Variants in SLC6A4 observed in about 807,000 individuals in gnomAD.
SLC6A4 encodes the protein solute carrier family 6 member 4.
A neutral mutation model predicts 73.4 loss-of-function variants in SLC6A4; 22 were observed. The ratio of observed to expected loss-of-function variants is 0.30; its 90% CI spans 0.21 to 0.43. The LOEUF (loss-of-function observed/expected upper bound fraction) is 0.43. Among genes scored for constraint, SLC6A4 ranks in the 20% least tolerant of loss-of-function variants. The pLI is 1.00. For missense variants in SLC6A4, 593 were observed against 808.5 expected (o/e 0.73, Z 3.23); for synonymous variants, 270 against 315.5 (o/e 0.86, Z 1.53).
At chr17:30,216,844 TTTG>T (rs1350694977) in intron 6 of SLC6A4, among the ~76,000 whole-genome samples, 58 of 51,324 alleles carry the variant, frequency 1.1e-3, no homozygotes, top group African/African-American at 2.6e-3. Flanking sequence ...ATTGTTTTTT[TTTG>T]TTTGTTTGTT....
At position 30,217,195 on chromosome 17, in the gene SLC6A4, T is replaced by C. The variant is rs1445134432; in HGVS notation, c.808A>G (p.Ile270Val). The part of the protein sequence containing the change: ...MLIFTVIYFS[I>V]WKGVKTSGKV... ...CCAGAGGTCTTGACGCCTTTCCAGA[T>C]GCTGAAGTAGATAACAGTGAAGATC... Residue 270 changes from isoleucine to valine, a missense_variant, in exon 6 of 15, where the codon ATC becomes GTC. Coordinates refer to ENST00000650711, the MANE Select transcript of SLC6A4 (RefSeq NM_001045.6). 1 of 1,614,108 alleles carries C rather than the reference T, an allele frequency of 6.2e-7. No homozygotes were observed. Among genetic ancestry groups the C allele is most frequent in the Admixed American group, 1.7e-5 (1 of 60,012 alleles).
chr17:30,213,459 C>T (rs1382097110), intron 8 of SLC6A4, among the ~76,000 whole-genome samples: 1 of 151,968 alleles, frequency 6.6e-6, no homozygotes, highest in African/African-American at 2.4e-5. Flanking sequence ...CCCACGACCA[C>T]GCCTGGCTAA....
chr17:30,221,331 C>A (rs527281820), intron 3 of SLC6A4, among the ~76,000 whole-genome samples: 1 of 152,046 alleles, frequency 6.6e-6, no homozygotes, highest in Non-Finnish European at 1.5e-5. Context: ...CCTAGTCTTA[C>A]GCCAGTGAAG....
In SLC6A4 at chr17:30,222,064, G is replaced by A. The variant is rs1200337619; in HGVS notation, c.-106C>T. The A allele has an allele frequency of 2.5e-6, 4 of 1,575,554 alleles. No individual in the cohort carries two copies. Among genetic ancestry groups the A allele is most frequent in the Non-Finnish European group, 3.4e-6 (4 of 1,160,676 alleles). On this transcript the variant is annotated 5_prime_UTR_variant, in exon 3 of 15. Coordinates refer to ENST00000650711, the MANE Select transcript of SLC6A4 (RefSeq NM_001045.6). ...CTCCGAGCTCTCTATCGTCGGGATT[G>A]ACACGTCGGGATTGACTCTGTTGGA...
intron 13 of SLC6A4, chr17:30,205,893 G>A (rs537786328): frequency 1.3e-5 from 2 of 152,250 alleles, no homozygotes; most frequent in East Asian, 3.9e-4. Flanking sequence ...TCAAAACACA[G>A]AATACAAAAA....
intron 7 of SLC6A4, 144 bp from the exon 8 acceptor site, chr17:30,215,858 T>C: frequency 1.3e-6 from 1 of 781,234 alleles, no homozygotes; most frequent in Non-Finnish European, 2.1e-6. Context: ...GGCATAGCCA[T>C]AAACCAAGTG....
chr17:30,209,327 T>C (rs1007776489), intron 11 of SLC6A4, 85 bp from the exon 12 acceptor site: 2 of 840,464 alleles, frequency 2.4e-6, no homozygotes, highest in African/African-American at 3.4e-5. Context: ...CTTCCTCACT[T>C]AGAATCATTC....
At chr17:30,210,698 G>T in intron 10 of SLC6A4, 52 bp from the exon 11 acceptor site, 1 of 1,578,106 alleles carries the variant, frequency 6.3e-7, no homozygotes, top group African/African-American at 1.3e-5. Flanking sequence ...CAAGGCTGTG[G>T]CCTTCAGGAC....
rs1056471644 is a variant in SLC6A4 at position 30,211,242 on chromosome 17, G to A, written c.1317+70C>T. On this transcript the variant is annotated intron_variant, in intron 10 of 14. Transcript: ENST00000650711. This position sits in a 1 kb window ranked among gnomAD's most constrained non-coding sequence, Gnocchi z 4.0. ...GGATGGCCAGGGATGGGAGGGAATT[G>A]AGTCCAGCTGAGTCCTCCTCCTTTC... The A allele has an allele frequency of 9.8e-7, 1 of 1,019,250 alleles. No homozygotes were observed. The highest frequency in any genetic ancestry group is 1.5e-6 in the Non-Finnish European group (1 of 659,396). 63.1% of individuals were successfully genotyped at this position (1,019,250 alleles called of 1,614,324 possible).
chr17:30,213,032 C>T (rs1056537409), intron 8 of SLC6A4, among the ~76,000 whole-genome samples, 165 bp from the exon 9 acceptor site: 1 of 152,210 alleles, frequency 6.6e-6, no homozygotes, highest in Non-Finnish European at 1.5e-5. Flanking sequence ...TTCGCCTTCT[C>T]CCAGAACCCA....
In SLC6A4 at chr17:30,196,178, TCAATTC is replaced by T. The variant is rs1166574722; in HGVS notation, c.*2272_*2277del. 4 of 152,060 alleles carry T rather than the reference TCAATTC, an allele frequency of 2.6e-5. No individual in the cohort carries two copies. Among genetic ancestry groups the T allele is most frequent in the Non-Finnish European group, 5.9e-5 (4 of 68,016 alleles). 9.4% of individuals were successfully genotyped at this position (152,060 alleles called of 1,614,324 possible). On this transcript the variant is annotated 3_prime_UTR_variant, in exon 15 of 15. Transcript: ENST00000650711. ...TTCAGTCCTTAAATAATGTTACAAT[TCAATTC>T]TATTTTTAGTTTTTATTTTTCTATA...
At chr17:30,209,001 C>G in intron 12 of SLC6A4, 142 bp downstream of exon 12, 2 of 542,672 alleles carry the variant, frequency 3.7e-6, no homozygotes, top group Admixed American at 3.2e-5. Flanking sequence ...CGCGCCTGGC[C>G]GAGACTCTTT....
intron 12 of SLC6A4, among the ~76,000 whole-genome samples, chr17:30,208,577 A>AAAAAC (rs1044325666): frequency 1.9e-4 from 29 of 152,294 alleles, no homozygotes; most frequent in Admixed American, 2.6e-4. Flanking sequence ...TTCTTCTTTA[A>AAAAAC]AAAACAAAAC....
At chr17:30,221,168 G>C (rs934519823) in intron 3 of SLC6A4, among the ~76,000 whole-genome samples, 3 of 151,626 alleles carry the variant, frequency 2.0e-5, no homozygotes, top group Non-Finnish European at 4.4e-5. Context: ...GTGGAGACGG[G>C]GTTTTGCCAT....
chr17:30,214,622 CT>C (rs1489370922), intron 8 of SLC6A4, among the ~76,000 whole-genome samples: 2 of 146,842 alleles, frequency 1.4e-5, no homozygotes, highest in Non-Finnish European at 3.0e-5. Context: ...TGCAATTTCT[CT>C]TTCTTTCTTT....
intron 1 of SLC6A4, among the ~76,000 whole-genome samples, chr17:30,223,232 AC>A (rs1906826981): frequency 6.6e-6 from 1 of 152,196 alleles, no homozygotes; most frequent in African/African-American, 2.4e-5. Context: ...GAGTTGAAAT[AC>A]GTTTCTGCCT....
At chr17:30,217,705 T>G (rs1229997522) in intron 5 of SLC6A4, among the ~76,000 whole-genome samples, 1 of 152,204 alleles carries the variant, frequency 6.6e-6, no homozygotes, top group East Asian at 1.9e-4. Flanking sequence ...ACTACCTTCC[T>G]CAAGCATCTT....
chr17:30,225,984 C>A (rs1906914144), intron 1 of SLC6A4, among the ~76,000 whole-genome samples: 1 of 152,200 alleles, frequency 6.6e-6, no homozygotes, highest in African/African-American at 2.4e-5. Context: ...ATGTAATTAT[C>A]CCGATTGGTC....
chr17:30,220,804 G>T (rs921197976), intron 3 of SLC6A4, among the ~76,000 whole-genome samples: 1 of 152,068 alleles, frequency 6.6e-6, no homozygotes. Context: ...CTGGCTGGGG[G>T]AGGACAGAGC....
Sources: gnomAD v4.1 joint callset for allele counts (sites outside exome capture counted in the v4.1 genomes callset) on GRCh38, gnomAD v4.1.1 for gene constraint, Gnocchi (gnomAD v3.1) non-coding constraint, MANE v1.5 for transcripts, NCBI Gene and HGNC (gene_info 2026-07-23, HGNC 2026-07-21) for gene names.